The following SMAD2 variants were observed in gnomAD, a reference collection of about 807,000 sequenced individuals.
The protein encoded by SMAD2 is SMAD family member 2.
In SMAD2, 8 loss-of-function variants were observed where a neutral mutation model predicts 64.4. The ratio of observed to expected loss-of-function variants is 0.12; its 90% CI spans 0.07 to 0.22. The LOEUF (loss-of-function observed/expected upper bound fraction) is 0.22, where lower values mean the gene tolerates loss of function less well. SMAD2 is among the 10% of genes least tolerant of loss of function. SMAD2 has a pLI of 1.00. For synonymous variants in SMAD2, 203 were observed against 195.8 expected, an observed-to-expected ratio of 1.04 and a Z score of -0.31; for missense variants, 289 against 561.2, an observed-to-expected ratio of 0.51 and a Z score of 4.90.
intron 1 of SMAD2, among the ~76,000 whole-genome samples, chr18:47,916,685 C>T (rs747237603): frequency 1.2e-4 from 18 of 152,090 alleles, no homozygotes; most frequent in Admixed American, 4.6e-4. Context: ...CACCATGCCC[C>T]GCCTGGTATA....
In SMAD2 at chr18:47,822,582, T is replaced by C. The variant is rs771621032; in HGVS notation, c.*19245A>G. The C allele has an allele frequency of 3.3e-5, 5 of 152,260 alleles. No homozygotes were observed. The highest frequency in any genetic ancestry group is 1.3e-4 in the Admixed American group (2 of 15,288). The allele number at this position is 152,260 out of a possible 1,614,324, so 9.4% of individuals were successfully genotyped here. Reference sequence around the variant, plus strand: ...TAAAGAAATTCTCTCATGCTATCTATAGTTTACAGCAATTTGGAATACTTT... The same window carrying C: ...TAAAGAAATTCTCTCATGCTATCTACAGTTTACAGCAATTTGGAATACTTT... On this transcript the variant is annotated 3_prime_UTR_variant, in exon 11 of 11. Transcript: ENST00000262160.
intron 2 of SMAD2, among the ~76,000 whole-genome samples, chr18:47,885,182 C>CACAT (rs2032831709): frequency 7.1e-6 from 1 of 139,988 alleles, no homozygotes; most frequent in Non-Finnish European, 1.6e-5. Flanking sequence ...CACACACACA[C>CACAT]ATATACCCTC....
At position 47,837,573 on chromosome 18, in the gene SMAD2, A is replaced by AAC. The variant is rs1555642132; in HGVS notation, c.*4253_*4254insGT. The AAC allele has an allele frequency of 8.8e-5, 20 of 227,564 alleles. No individual in the cohort carries two copies. Among genetic ancestry groups the AAC allele is most frequent in the East Asian group, 5.2e-4 (8 of 15,372 alleles). 14.1% of individuals were successfully genotyped at this position (227,564 alleles called of 1,614,324 possible). ...CGAGACTCCCTCTCAAAAAAAAAAAAAAAAAACAAAAAACAAGGCTAACAA... is the reference window on the plus strand; with the variant it reads ...CGAGACTCCCTCTCAAAAAAAAAAAAACAAAAAACAAAAAACAAGGCTAACAA... On this transcript the variant is annotated 3_prime_UTR_variant, in exon 11 of 11. Transcript: ENST00000262160.
rs1048650509 is a variant in SMAD2, at chr18:47,835,664, T to C, written c.*6163A>G. ...ATGGCAAGTTACCTAGTGATTAACA[T>C]TGTAAAATAGTCAAAAACTTTAAAG... On this transcript the variant is annotated 3_prime_UTR_variant, in exon 11 of 11. Transcript: ENST00000262160. 4.7e-5 allele frequency: 9 copies of C among 192,916 alleles called. No individual in the cohort carries two copies. The highest frequency in any genetic ancestry group is 1.8e-4 in the Admixed American group (3 of 16,334). The allele number at this position is 192,916 out of a possible 1,614,324, so 12.0% of individuals were successfully genotyped here.
At position 47,817,663 on chromosome 18, in the gene SMAD2, A is replaced by G. The variant is rs1247963842; in HGVS notation, c.*24164T>C. 7 of 152,236 alleles carry G rather than the reference A, an allele frequency of 4.6e-5. No homozygotes were observed. The highest frequency in any genetic ancestry group is 1.4e-4 in the African/African-American group (6 of 41,554). The allele number at this position is 152,236 out of a possible 1,614,324, so 9.4% of individuals were successfully genotyped here. On this transcript the variant is annotated 3_prime_UTR_variant, in exon 11 of 11. Coordinates refer to ENST00000262160, the MANE Select transcript of SMAD2 (RefSeq NM_005901.6). ...ATTTACTTTGGGTTCTTCTGTGTTT[A>G]TATTATTTTTTAATCTGCATGACTG...
chr18:47,894,396 C>T (rs1012765432), intron 2 of SMAD2, among the ~76,000 whole-genome samples: 2 of 152,196 alleles, frequency 1.3e-5, no homozygotes, highest in Admixed American at 6.5e-5. Context: ...CAACCTCACC[C>T]GTCACCCTCA....
intron 1 of SMAD2, among the ~76,000 whole-genome samples, chr18:47,929,270 G>A (rs1573362): frequency 0.42 from 64,401 of 152,042 alleles, 14,547 homozygotes; most frequent in East Asian, 0.59. Context: ...AAGTAGAATA[G>A]CAAATTTTCA....
In SMAD2 at chr18:47,812,656, A is replaced by G. The variant is rs921447531; in HGVS notation, c.*29171T>C. Reference sequence around the variant, plus strand: ...CAACATGTAGGGATTACAATTCAAGATGAGATTTGGGTGGGGATGGAGACC... The same window carrying G: ...CAACATGTAGGGATTACAATTCAAGGTGAGATTTGGGTGGGGATGGAGACC... On this transcript the variant is annotated 3_prime_UTR_variant, in exon 11 of 11. Coordinates refer to ENST00000262160, the MANE Select transcript of SMAD2 (RefSeq NM_005901.6). 1 of 152,202 alleles carries G rather than the reference A, an allele frequency of 6.6e-6. No individual in the cohort carries two copies. Among genetic ancestry groups the G allele is most frequent in the African/African-American group, 2.4e-5 (1 of 41,458 alleles). The allele number at this position is 152,202 out of a possible 1,614,324, so 9.4% of individuals were successfully genotyped here.
chr18:47,924,692 C>T (rs1057179156), intron 1 of SMAD2, among the ~76,000 whole-genome samples: 8 of 152,120 alleles, frequency 5.3e-5, no homozygotes, highest in Admixed American at 1.3e-4. Flanking sequence ...AAACTCCTGA[C>T]CTCAAAGTGA....
intron 2 of SMAD2, among the ~76,000 whole-genome samples, chr18:47,879,370 G>C (rs1598822132): frequency 6.6e-6 from 1 of 152,140 alleles, no homozygotes; most frequent in Admixed American, 6.5e-5. Context: ...CCACTAATCT[G>C]ATCTTTTCAC....
Position 47,809,957 on chromosome 18 carries a change from T to C in SMAD2, c.*31870A>G, listed in dbSNP as rs1329600425. The C allele has an allele frequency of 2.0e-5, 3 of 152,234 alleles. No homozygotes were observed. Among genetic ancestry groups the C allele is most frequent in the African/African-American group, 7.2e-5 (3 of 41,462 alleles). 9.4% of individuals were successfully genotyped at this position (152,234 alleles called of 1,614,324 possible). A position where few individuals can be genotyped will look rare whatever the true frequency, so the allele number is the denominator to read the frequency against. On this transcript the variant is annotated 3_prime_UTR_variant, in exon 11 of 11. Transcript: ENST00000262160. ...ATCATTTAAATGCACAATAGACTTC[T>C]AGCCCATTTGCCAAAAGCCATCCCA...
At chr18:47,845,295 A>C in intron 10 of SMAD2, 45 bp downstream of exon 10, 1 of 1,564,788 alleles carries the variant, frequency 6.4e-7, no homozygotes, top group Non-Finnish European at 8.8e-7. Flanking sequence ...GCAATGAAAC[A>C]TAATTACACT....
At chr18:47,909,552 G>C (rs1410574410) in intron 1 of SMAD2, among the ~76,000 whole-genome samples, 1 of 152,164 alleles carries the variant, frequency 6.6e-6, no homozygotes, top group East Asian at 1.9e-4. Flanking sequence ...ACAAGCACCA[G>C]ATCTGAGGTA....
chr18:47,920,053 A>G, intron 1 of SMAD2: 1 of 152,244 alleles, frequency 6.6e-6, no homozygotes. Context: ...CTTATAAACA[A>G]CAGAAATTTA....
rs1026121955 is a variant in SMAD2, at chr18:47,820,870, A to G, written c.*20957T>C. ...TATGCTATATATTTGTATATACACG[A>G]TAGTGTAAATGCTATACATGCACTA... is the stretch of plus-strand genomic sequence containing the variant. On this transcript the variant is annotated 3_prime_UTR_variant, in exon 11 of 11. Coordinates refer to ENST00000262160, the MANE Select transcript of SMAD2 (RefSeq NM_005901.6). 39 of 150,752 alleles carry G rather than the reference A, an allele frequency of 2.6e-4. No individual in the cohort carries two copies. The highest frequency in any genetic ancestry group is 9.3e-4 in the African/African-American group (38 of 40,896). 9.3% of individuals were successfully genotyped at this position (150,752 alleles called of 1,614,324 possible).
At position 47,821,807 on chromosome 18, in the gene SMAD2, A is replaced by T. The variant is rs950158471; in HGVS notation, c.*20020T>A. 3 of 152,104 alleles carry T rather than the reference A, an allele frequency of 2.0e-5. No homozygotes were observed. Among genetic ancestry groups the T allele is most frequent in the African/African-American group, 7.2e-5 (3 of 41,418 alleles). The allele number at this position is 152,104 out of a possible 1,614,324, so 9.4% of individuals were successfully genotyped here. ...TGAAGCTTTGAAAAGATGGTTTTTA[A>T]ATGTATGTAACTTTCTGCATTGCTT... On this transcript the variant is annotated 3_prime_UTR_variant, in exon 11 of 11. Coordinates refer to ENST00000262160, the MANE Select transcript of SMAD2 (RefSeq NM_005901.6).
chr18:47,901,504 A>C (rs1769045704), intron 1 of SMAD2, among the ~76,000 whole-genome samples: 1 of 151,980 alleles, frequency 6.6e-6, no homozygotes, highest in African/African-American at 2.4e-5. Context: ...TGCTTGTTTT[A>C]TATTTTCTTT....
rs1219822571 is a variant in SMAD2, at chr18:47,813,283, G to C, written c.*28544C>G. On this transcript the variant is annotated 3_prime_UTR_variant, in exon 11 of 11. Transcript: ENST00000262160. ...GAAAAGGATCTCACTTTGTCATCCA[G>C]GCTAGAGTGCAGTAGCACAAACATG... is the stretch of plus-strand genomic sequence containing the variant. The C allele has an allele frequency of 6.6e-6, 1 of 152,124 alleles. No homozygotes were observed. Among genetic ancestry groups the C allele is most frequent in the Non-Finnish European group, 1.5e-5 (1 of 68,060 alleles). 9.4% of individuals were successfully genotyped at this position (152,124 alleles called of 1,614,324 possible). A position where few individuals can be genotyped will look rare whatever the true frequency, so the allele number is the denominator to read the frequency against.
At chr18:47,918,785 T>C (rs1598895603) in intron 1 of SMAD2, among the ~76,000 whole-genome samples, 2 of 151,982 alleles carry the variant, frequency 1.3e-5, no homozygotes, top group East Asian at 3.9e-4. Context: ...TGCTAGAAGA[T>C]AAAGTAGAAG....
Sources: gnomAD v4.1 joint callset for allele counts (sites outside exome capture counted in the v4.1 genomes callset) on GRCh38, gnomAD v4.1.1 for gene constraint, MANE v1.5 for transcripts, NCBI Gene and HGNC (gene_info 2026-07-23, HGNC 2026-07-21) for gene names.